FSTL4: variants seen among roughly 807,000 people sequenced by gnomAD.
FSTL4 encodes the protein follistatin-related protein 4.
In FSTL4, 28 loss-of-function variants were observed where a neutral mutation model predicts 78.2. The ratio of observed to expected loss-of-function variants is 0.36; its 90% CI spans 0.27 to 0.49. The LOEUF is 0.49. FSTL4 is among the 20% of genes least tolerant of loss of function. The pLI is 0.98. For missense variants in FSTL4, 922 were observed against 1,084.9 expected (o/e 0.85, Z 2.11); for synonymous variants, 422 against 440.5 (o/e 0.96, Z 0.53).
the FSTL4 span, among the ~76,000 whole-genome samples, chr5:133,814,697 G>T: frequency 6.6e-6 from 1 of 152,186 alleles, no homozygotes; most frequent in Non-Finnish European, 1.5e-5. Context: ...CAACTATGTT[G>T]AGAGCGGAAG....
chr5:133,795,308 C>T, the FSTL4 span, among the ~76,000 whole-genome samples: 1 of 152,212 alleles, frequency 6.6e-6, no homozygotes, highest in Non-Finnish European at 1.5e-5. Context: ...AATGCGCCTG[C>T]GCCCTGCAAG....
chr5:133,370,778 A>T (rs1360266098), intron 4 of FSTL4, among the ~76,000 whole-genome samples: 2 of 152,040 alleles, frequency 1.3e-5, no homozygotes, highest in Non-Finnish European at 1.5e-5. Context: ...TCGCCCTCAG[A>T]GCAGAGGGGG....
chr5:133,516,329 T>C (rs1482402309), intron 3 of FSTL4, among the ~76,000 whole-genome samples: 1 of 152,194 alleles, frequency 6.6e-6, no homozygotes, highest in Admixed American at 6.5e-5. Context: ...TATTAGAATT[T>C]GTAAGAGATT....
chr5:133,774,846 C>T, the FSTL4 span, among the ~76,000 whole-genome samples: 1,704 of 152,188 alleles, frequency 0.011, 40 homozygotes, highest in African/African-American at 0.039. Context: ...GGACTAAGAA[C>T]CATACATATT....
At chr5:133,632,179 A>G in the FSTL4 span, among the ~76,000 whole-genome samples, 1 of 152,182 alleles carries the variant, frequency 6.6e-6, no homozygotes, top group Non-Finnish European at 1.5e-5. Context: ...TATACATAAC[A>G]CTACACAGTC....
At chr5:133,544,428 A>AAATAGCTG (rs1458442528) in intron 3 of FSTL4, among the ~76,000 whole-genome samples, 1 of 152,242 alleles carries the variant, frequency 6.6e-6, no homozygotes, top group Non-Finnish European at 1.5e-5. Flanking sequence ...GGCTTCAATA[A>AAATAGCTG]AATAGCTGTT....
the FSTL4 span, among the ~76,000 whole-genome samples, chr5:133,700,452 TCACACCAAGCCACCACACCAAACCAC>T: frequency 6.6e-6 from 1 of 150,584 alleles, no homozygotes; most frequent in Non-Finnish European, 1.5e-5. Flanking sequence ...CACCAAACCA[TCACACCAAGCCACCACACCAAACCAC>T]CACACCAAAA....
intron 7 of FSTL4, among the ~76,000 whole-genome samples, chr5:133,239,263 G>A (rs1439017147): frequency 4.9e-5 from 6 of 122,716 alleles, no homozygotes; most frequent in Admixed American, 9.7e-5. Context: ...GGGCTCCTGC[G>A]CAGCCTGAGC....
chr5:133,472,213 C>G (rs1433414815), intron 3 of FSTL4, among the ~76,000 whole-genome samples: 1 of 152,104 alleles, frequency 6.6e-6, no homozygotes, highest in Non-Finnish European at 1.5e-5. Context: ...AAAATTTCAA[C>G]CTGGAATTCT....
intron 6 of FSTL4, among the ~76,000 whole-genome samples, chr5:133,309,883 C>T (rs1174420508): frequency 6.6e-6 from 1 of 152,194 alleles, no homozygotes; most frequent in Admixed American, 6.5e-5. Context: ...CAACCTCTGC[C>T]AGCCCATCAG....
At position 133,216,389 on chromosome 5, in the gene FSTL4, G is replaced by GAAGTGATTCTCCTGCCTCGGCCTCCCGTC. The variant is rs542725002; in HGVS notation, c.1608+811_1608+839dup. ...CACTGCAACCTCCACCTCCCGGGTT[G>GAAGTGATTCTCCTGCCTCGGCCTCCCGTC]AAGTGATTCTCCTGCCTCGGCCTCC... On this transcript the variant is annotated intron_variant, in intron 13 of 15. Coordinates refer to ENST00000265342, the MANE Select transcript of FSTL4 (RefSeq NM_015082.2). 4.7e-3 allele frequency among the ~76,000 whole-genome samples: 696 copies of GAAGTGATTCTCCTGCCTCGGCCTCCCGTC among 146,540 alleles called. 16 individuals carry two copies. Among genetic ancestry groups the GAAGTGATTCTCCTGCCTCGGCCTCCCGTC allele is most frequent in the African/African-American group, 0.017 (634 of 36,366 alleles).
At position 133,261,812 on chromosome 5, in the gene FSTL4, G is replaced by A. The variant is rs1044362898; in HGVS notation, c.728-12236C>T. On this transcript the variant is annotated intron_variant, in intron 6 of 15. Coordinates refer to ENST00000265342, the MANE Select transcript of FSTL4 (RefSeq NM_015082.2). Reference sequence around the variant, plus strand: ...TCAAGGCCTGCCTGGACAACATGGCGAAACTCCATCTCTACAAAAAATACA... The same window carrying A: ...TCAAGGCCTGCCTGGACAACATGGCAAAACTCCATCTCTACAAAAAATACA... 3.3e-5 allele frequency among the ~76,000 whole-genome samples: 5 copies of A among 152,072 alleles called. 1 individual carries two copies. The highest frequency in any genetic ancestry group is 2.1e-4 in the South Asian group (1 of 4,826).
chr5:133,541,913 TAGAG>T (rs1339148920), intron 3 of FSTL4, among the ~76,000 whole-genome samples: 1 of 104,032 alleles, frequency 9.6e-6, no homozygotes, highest in Non-Finnish European at 2.1e-5. Context: ...CACACAGAGC[TAGAG>T]AATGTTACAG....
At chr5:133,742,927 C>T in the FSTL4 span, among the ~76,000 whole-genome samples, 1 of 152,252 alleles carries the variant, frequency 6.6e-6, no homozygotes, top group East Asian at 1.9e-4. Context: ...GCAGATCTAC[C>T]GTCATCCCGC....
chr5:133,610,981 C>T (rs1028600693), intron 1 of FSTL4, among the ~76,000 whole-genome samples: 1 of 152,056 alleles, frequency 6.6e-6, no homozygotes, highest in Non-Finnish European at 1.5e-5. Flanking sequence ...GTTTGTATCT[C>T]GGGGGCCCCA....
chr5:133,643,373 A>C, the FSTL4 span, among the ~76,000 whole-genome samples: 137 of 152,340 alleles, frequency 9.0e-4, no homozygotes, highest in African/African-American at 3.0e-3. Flanking sequence ...AGGCATATCC[A>C]TTGGGAAGAA....
At chr5:133,660,886 C>T in the FSTL4 span, among the ~76,000 whole-genome samples, 4 of 152,340 alleles carry the variant, frequency 2.6e-5, no homozygotes, top group East Asian at 5.8e-4. Context: ...CTGACATCCA[C>T]GCTGGTTTTA....
intron 3 of FSTL4, among the ~76,000 whole-genome samples, chr5:133,502,599 T>C (rs1758522608): frequency 6.6e-6 from 1 of 152,132 alleles, no homozygotes; most frequent in African/African-American, 2.4e-5. Context: ...TCATGTGAAA[T>C]GAGTGAGTTA....
intron 13 of FSTL4, among the ~76,000 whole-genome samples, chr5:133,216,012 C>T (rs541782883): frequency 1.4e-4 from 21 of 152,280 alleles, no homozygotes; most frequent in Admixed American, 7.2e-4. Context: ...CTATATAAGG[C>T]GACATCCACA....
Sources: gnomAD v4.1 joint callset for allele counts (sites outside exome capture counted in the v4.1 genomes callset) on GRCh38, gnomAD v4.1.1 for gene constraint, MANE v1.5 for transcripts, NCBI Gene and HGNC (gene_info 2026-07-23, HGNC 2026-07-21) for gene names.